VPS45: variants seen among roughly 807,000 people sequenced by gnomAD.
VPS45 encodes vacuolar protein sorting 45 homolog.
Under a neutral mutation model 75.9 loss-of-function variants are expected in VPS45, and 35 were observed. The ratio of observed to expected loss-of-function variants is 0.46; its 90% confidence interval spans 0.35 to 0.61. The LOEUF (loss-of-function observed/expected upper bound fraction) is 0.61, where lower values mean the gene tolerates loss of function less well. Ranked by LOEUF, VPS45 falls within the 20% of genes least tolerant of loss-of-function variation. The pLI is 0.00. For synonymous variants in VPS45, 220 were observed against 238.2 expected (o/e 0.92, Z 0.70); for missense variants, 559 against 685.9 (o/e 0.81, Z 2.07).
intron 13 of VPS45, among the ~76,000 whole-genome samples, chr1:150,107,349 C>T (rs1331401020): frequency 1.3e-5 from 2 of 152,180 alleles, no homozygotes; most frequent in Non-Finnish European, 2.9e-5. Context: ...CACCTAGTTA[C>T]CAAAACCAGA....
intron 14 of VPS45, among the ~76,000 whole-genome samples, chr1:150,113,020 G>T (rs1553807505): frequency 6.6e-6 from 1 of 152,116 alleles, no homozygotes; most frequent in African/African-American, 2.4e-5. Flanking sequence ...ACACTATTGG[G>T]TAGGGGTTTT....
intron 13 of VPS45, among the ~76,000 whole-genome samples, chr1:150,100,078 A>C (rs587686428): frequency 6.6e-6 from 1 of 152,224 alleles, no homozygotes; most frequent in South Asian, 2.1e-4. Flanking sequence ...TTCTATATCT[A>C]GAAAACCCCA....
At chr1:150,090,656 C>T (rs1656278470) in intron 10 of VPS45, among the ~76,000 whole-genome samples, 1 of 152,114 alleles carries the variant, frequency 6.6e-6, no homozygotes. Context: ...GAAATAGAGC[C>T]AGTCCATCCT....
chr1:150,124,716 A>ATTTTTT (rs58720904), intron 14 of VPS45, among the ~76,000 whole-genome samples: 1 of 138,610 alleles, frequency 7.2e-6, no homozygotes, highest in African/African-American at 2.7e-5. Context: ...CACCTGGCTA[A>ATTTTTT]TTTTTTTTTT....
intron 13 of VPS45, among the ~76,000 whole-genome samples, chr1:150,102,356 C>T (rs1447799540): frequency 1.3e-5 from 2 of 151,880 alleles, no homozygotes; most frequent in Non-Finnish European, 2.9e-5. Context: ...TCAAGACCAG[C>T]CTGACCAACA....
intron 12 of VPS45, 85 bp from the exon 13 acceptor site, chr1:150,093,442 A>G (rs1394790758): frequency 6.8e-7 from 1 of 1,468,682 alleles, no homozygotes; most frequent in Non-Finnish European, 9.2e-7. Context: ...TATTGAGTGT[A>G]TGTCCTTTTC....
At chr1:150,087,275 C>T (rs1046494004) in intron 10 of VPS45, among the ~76,000 whole-genome samples, 55 of 152,270 alleles carry the variant, frequency 3.6e-4, no homozygotes, top group African/African-American at 1.1e-3. Context: ...TCCTTGATTA[C>T]GCCCACACAA....
intron 14 of VPS45, among the ~76,000 whole-genome samples, chr1:150,129,719 A>G (rs1553811776): frequency 3.3e-5 from 5 of 151,280 alleles, no homozygotes; most frequent in African/African-American, 1.2e-4. Flanking sequence ...ACACCCAAAT[A>G]ATTTTTGTAG....
chr1:150,111,353 T>C (rs1220012021), intron 14 of VPS45, among the ~76,000 whole-genome samples: 2 of 152,182 alleles, frequency 1.3e-5, no homozygotes, highest in Non-Finnish European at 2.9e-5. Flanking sequence ...GCAACATACA[T>C]ACACAAAGAA....
At chr1:150,114,501 T>G (rs1013855721) in intron 14 of VPS45, among the ~76,000 whole-genome samples, 9 of 148,468 alleles carry the variant, frequency 6.1e-5, no homozygotes, top group Admixed American at 6.0e-4. Context: ...GCCAGTAGTT[T>G]AGGAGGCCAT....
chr1:150,117,857 TC>T (rs1218188786), intron 14 of VPS45, among the ~76,000 whole-genome samples: 3 of 151,898 alleles, frequency 2.0e-5, no homozygotes, highest in Non-Finnish European at 4.4e-5. Flanking sequence ...AGACCCTGTC[TC>T]AAAATAAATA....
At chr1:150,096,086 T>C (rs986086880) in intron 13 of VPS45, among the ~76,000 whole-genome samples, 8 of 152,146 alleles carry the variant, frequency 5.3e-5, no homozygotes, top group African/African-American at 1.9e-4. Flanking sequence ...AAGAGAGAAG[T>C]CAAGAATAAC....
intron 13 of VPS45, among the ~76,000 whole-genome samples, chr1:150,106,068 A>G (rs1374768660): frequency 6.6e-6 from 1 of 152,176 alleles, no homozygotes; most frequent in African/African-American, 2.4e-5. Flanking sequence ...GAAAAATGAA[A>G]TTGGACCCCT....
intron 10 of VPS45, among the ~76,000 whole-genome samples, chr1:150,087,467 G>C (rs920092208): frequency 7.2e-5 from 11 of 152,168 alleles, no homozygotes; most frequent in Non-Finnish European, 1.3e-4. Flanking sequence ...ATTTCCAACA[G>C]ATAAATACTA....
At chr1:150,121,025 G>A (rs1292917535) in intron 14 of VPS45, among the ~76,000 whole-genome samples, 2 of 151,760 alleles carry the variant, frequency 1.3e-5, no homozygotes, top group African/African-American at 4.8e-5. Flanking sequence ...CCGCCACCGC[G>A]CCCGGCTAAT....
chr1:150,100,358 C>T (rs587676952), intron 13 of VPS45, among the ~76,000 whole-genome samples: 56 of 152,264 alleles, frequency 3.7e-4, no homozygotes, highest in African/African-American at 1.3e-3. Context: ...GGAAAACATC[C>T]CATGCTCATG....
intron 2 of VPS45, chr1:150,069,001 A>C: frequency 2.1e-6 from 1 of 475,210 alleles, no homozygotes; most frequent in South Asian, 4.2e-5. Context: ...CATTGCCACT[A>C]ATGAACTACT....
At chr1:150,133,722 C>T (rs1658940386) in intron 14 of VPS45, among the ~76,000 whole-genome samples, 1 of 152,108 alleles carries the variant, frequency 6.6e-6, no homozygotes, top group Non-Finnish European at 1.5e-5. Flanking sequence ...TACATCTACA[C>T]CTCTTTTTAT....
intron 14 of VPS45, among the ~76,000 whole-genome samples, chr1:150,144,352 T>C (rs782282752): frequency 1.3e-5 from 2 of 152,184 alleles, no homozygotes; most frequent in South Asian, 4.2e-4. Context: ...GTTTCAAGAG[T>C]ACAGATAACA....
Sources: gnomAD v4.1 joint callset for allele counts (sites outside exome capture counted in the v4.1 genomes callset) on GRCh38, gnomAD v4.1.1 for gene constraint, MANE v1.5 for transcripts, NCBI Gene and HGNC (gene_info 2026-07-23, HGNC 2026-07-21) for gene names.